Variants in TRAF3 observed in about 807,000 individuals in gnomAD.
TRAF3 encodes the protein TNF receptor associated factor 3.
TRAF3 carries 13 observed loss-of-function variants against 62.3 expected under a neutral mutation model. That is an observed-to-expected ratio of 0.21 (90% CI 0.14 to 0.33). The LOEUF (loss-of-function observed/expected upper bound fraction) is 0.33, where lower values mean the gene tolerates loss of function less well. Ranked by LOEUF, TRAF3 falls within the 10% of genes least tolerant of loss-of-function variation. TRAF3 has a pLI of 1.00. For synonymous variants in TRAF3, 269 were observed against 283.4 expected (o/e 0.95, Z 0.51); for missense variants, 440 against 741.8 (o/e 0.59, Z 4.73).
chr14:102,833,997 A>AAG (rs1315252380), intron 2 of TRAF3, among the ~76,000 whole-genome samples: 1 of 148,706 alleles, frequency 6.7e-6, no homozygotes. Flanking sequence ...TCGGGGGGAA[A>AAG]AAAAAGAATA....
chr14:102,785,987 G>A (rs1274840647), intron 1 of TRAF3, among the ~76,000 whole-genome samples: 1 of 152,120 alleles, frequency 6.6e-6, no homozygotes, highest in African/African-American at 2.4e-5. Flanking sequence ...TGTGCATCTG[G>A]GATAGGTCTC....
intron 1 of TRAF3, among the ~76,000 whole-genome samples, chr14:102,807,957 G>A (rs775215659): frequency 3.8e-4 from 58 of 152,210 alleles, no homozygotes; most frequent in Non-Finnish European, 6.5e-4. Context: ...CTGGAAGGAA[G>A]TTGAGGCAGC....
chr14:102,897,246 G>A lies in TRAF3; in HGVS notation c.820-15G>A, dbSNP rs201052970. 1.2e-6 allele frequency: 2 copies of A among 1,607,190 alleles called. No homozygotes were observed. The highest frequency in any genetic ancestry group is 2.2e-5 in the South Asian group (2 of 90,094). Reference sequence around the variant, plus strand: ...ACCACTTTTGGTTACATTAATTAAAGAATTTCTTTTTTAGGTTTCCTTGTT... The same window carrying A: ...ACCACTTTTGGTTACATTAATTAAAAAATTTCTTTTTTAGGTTTCCTTGTT... On this transcript the variant is annotated splice_polypyrimidine_tract_variant and intron_variant, in intron 9 of 11. Coordinates refer to ENST00000392745, the MANE Select transcript of TRAF3 (RefSeq NM_145725.3).
At position 102,898,549 on chromosome 14, in the gene TRAF3, A is replaced by G. The variant is rs1010330949; in HGVS notation, c.960+1148A>G. 5.3e-5 allele frequency among the ~76,000 whole-genome samples: 8 copies of G among 152,310 alleles called. No homozygotes were observed. In the East Asian group the frequency reaches 9.7e-4, roughly 18 times the overall value. On this transcript the variant is annotated intron_variant, in intron 10 of 11. Coordinates refer to ENST00000392745, the MANE Select transcript of TRAF3 (RefSeq NM_145725.3). Reference sequence around the variant, plus strand: ...CCCTGGCAAGCAGCTCTGGCTGTTCATGAGATTATTGCTGTGTTTTGACCT... The same window carrying G: ...CCCTGGCAAGCAGCTCTGGCTGTTCGTGAGATTATTGCTGTGTTTTGACCT...
intron 2 of TRAF3, among the ~76,000 whole-genome samples, chr14:102,858,933 G>T (rs1887533621): frequency 6.6e-6 from 1 of 152,102 alleles, no homozygotes; most frequent in Non-Finnish European, 1.5e-5. Flanking sequence ...TGTCAGACCA[G>T]AAGGTAAGAT....
At chr14:102,800,296 G>A (rs1238240149) in intron 1 of TRAF3, among the ~76,000 whole-genome samples, 2 of 152,182 alleles carry the variant, frequency 1.3e-5, no homozygotes, top group Non-Finnish European at 2.9e-5. Context: ...AGTTTCCCAG[G>A]CCCTGCCTCA....
intron 2 of TRAF3, among the ~76,000 whole-genome samples, chr14:102,868,461 A>T (rs1245529520): frequency 6.6e-6 from 1 of 152,172 alleles, no homozygotes; most frequent in Non-Finnish European, 1.5e-5. Context: ...GGAGTGGTGC[A>T]GGCTGAGCCT....
intron 1 of TRAF3, among the ~76,000 whole-genome samples, chr14:102,796,857 A>G (rs1898118116): frequency 6.6e-6 from 1 of 152,218 alleles, no homozygotes; most frequent in African/African-American, 2.4e-5. Flanking sequence ...TTGAATTCCA[A>G]AAGTGTGTTG....
chr14:102,820,596 A>G (rs1595327862), intron 1 of TRAF3, among the ~76,000 whole-genome samples: 2 of 11,372 alleles, frequency 1.8e-4, no homozygotes, highest in South Asian at 3.2e-3. Context: ...ATATATATAT[A>G]TATATATATA....
chr14:102,868,343 G>C (rs1888129120), intron 2 of TRAF3, among the ~76,000 whole-genome samples: 3 of 152,116 alleles, frequency 2.0e-5, no homozygotes, highest in Non-Finnish European at 4.4e-5. Context: ...GTTCCCTGAG[G>C]CTCCTGAGTC....
intron 10 of TRAF3, among the ~76,000 whole-genome samples, chr14:102,902,195 T>G (rs1015851452): frequency 1.3e-5 from 2 of 152,238 alleles, no homozygotes; most frequent in Non-Finnish European, 2.9e-5. Context: ...CAGCCTCGTG[T>G]GTTCGTGGCA....
intron 1 of TRAF3, among the ~76,000 whole-genome samples, chr14:102,811,768 C>T (rs1595311524): frequency 6.7e-6 from 1 of 148,198 alleles, no homozygotes. Flanking sequence ...TGTGTTTGTA[C>T]AGACTGTCTC....
intron 7 of TRAF3, 74 bp from the exon 8 acceptor site, chr14:102,889,486 A>C (rs975164757): frequency 1.4e-6 from 2 of 1,446,246 alleles, no homozygotes; most frequent in Non-Finnish European, 1.9e-6. Context: ...CTCAGATGCT[A>C]TCTGTGCCCT....
chr14:102,881,716 C>G (rs1566793945), intron 6 of TRAF3, among the ~76,000 whole-genome samples: 3 of 152,208 alleles, frequency 2.0e-5, no homozygotes, highest in African/African-American at 7.2e-5. Flanking sequence ...ACCCACGCAT[C>G]TTGCACATGT....
chr14:102,886,284 G>A lies in TRAF3; in HGVS notation c.651+15G>A. ...TGAGGAGCGAGGTAGGGGCGGCCGG[G>A]CCCGGCCGGGAGTCTGTGGAGTCCT... On this transcript the variant is annotated intron_variant, in intron 7 of 11. Transcript: ENST00000392745. 6.2e-7 allele frequency: 1 copy of A among 1,600,532 alleles called. No homozygotes were observed. The highest frequency in any genetic ancestry group is 8.5e-7 in the Non-Finnish European group (1 of 1,175,976).
intron 1 of TRAF3, among the ~76,000 whole-genome samples, chr14:102,813,726 C>T (rs1899342797): frequency 1.3e-5 from 2 of 152,234 alleles, no homozygotes; most frequent in South Asian, 4.2e-4. Context: ...GCCAGGATTA[C>T]AGGCGTGAGC....
At chr14:102,850,741 C>T (rs565773246) in intron 2 of TRAF3, among the ~76,000 whole-genome samples, 1 of 149,438 alleles carries the variant, frequency 6.7e-6, no homozygotes, top group South Asian at 2.1e-4. Flanking sequence ...CCAGATGCTG[C>T]GCTCCTGGTA....
In TRAF3 at chr14:102,870,188, T is replaced by A. The variant is rs762937181; in HGVS notation, c.-14T>A. On this transcript the variant is annotated 5_prime_UTR_variant, in exon 3 of 12. Coordinates refer to ENST00000392745, the MANE Select transcript of TRAF3 (RefSeq NM_145725.3). The stretch of plus-strand genomic sequence containing the variant: ...CTCTACTGTTTTTTCCCGACAGAAC[T>A]CCTCTTTCCTAAAATGGAGTCGAGT... 1 of 1,614,086 alleles carries A rather than the reference T, an allele frequency of 6.2e-7. No individual in the cohort carries two copies. The highest frequency in any genetic ancestry group is 1.1e-5 in the South Asian group (1 of 91,078).
chr14:102,810,352 G>C (rs1004356726), intron 1 of TRAF3, among the ~76,000 whole-genome samples: 2 of 152,208 alleles, frequency 1.3e-5, no homozygotes, highest in Non-Finnish European at 2.9e-5. Flanking sequence ...AGTGTGTGGT[G>C]AGGACAGTGA....
Sources: allele counts gnomAD v4.1 joint callset (sites outside exome capture counted in the v4.1 genomes callset), GRCh38; gene constraint gnomAD v4.1.1; transcripts MANE v1.5; gene names NCBI Gene and HGNC (gene_info 2026-07-23, HGNC 2026-07-21).